PLXNA2: variants seen among roughly 807,000 people sequenced by gnomAD.
The protein encoded by PLXNA2 is plexin-A2.
In PLXNA2, 91 loss-of-function variants were observed where a neutral mutation model predicts 193.5. The ratio of observed to expected loss-of-function variants is 0.47; its 90% CI spans 0.40 to 0.56. The LOEUF is 0.56. PLXNA2 is among the 20% of genes least tolerant of loss of function. PLXNA2 has a pLI of 0.00. For synonymous variants in PLXNA2, 997 were observed against 1,027.3 expected, an observed-to-expected ratio of 0.97 and a Z score of 0.56; for missense variants, 1,995 against 2,503.2, an observed-to-expected ratio of 0.80 and a Z score of 4.33.
At chr1:208,203,501 G>A (rs2102587293) in intron 3 of PLXNA2, among the ~76,000 whole-genome samples, 1 of 152,362 alleles carries the variant, frequency 6.6e-6, no homozygotes, top group African/African-American at 2.4e-5. Context: ...TGAGAGACAA[G>A]TGAATCATTT....
intron 3 of PLXNA2, among the ~76,000 whole-genome samples, chr1:208,148,821 G>A (rs756344273): frequency 1.3e-4 from 20 of 152,206 alleles, no homozygotes; most frequent in Non-Finnish European, 2.6e-4. Flanking sequence ...CCCTGAGGGG[G>A]TACTTCCTGG....
chr1:208,060,741 G>T lies in PLXNA2; in HGVS notation c.2683C>A (p.Gln895Lys). ...GGCGTGCAGGGCACCCCAGCCACCT[G>T]CACATGGTGGGCGATCTCGGAGAAG... ...LDFSEIAHHV[Q>K]VAGVPCTPLP... is the part of the protein sequence containing the mutation. Residue 895 changes from glutamine (Q) to lysine (K), a missense_variant, in exon 13 of 32, where the codon CAG becomes AAG. This residue lies in a region of PLXNA2 where 1,291 missense variants were observed against 1,673.6 expected (regional missense o/e 0.77). Coordinates refer to ENST00000367033, the MANE Select transcript of PLXNA2 (RefSeq NM_025179.4). 3 of 1,614,020 alleles carry T rather than the reference G, an allele frequency of 1.9e-6. No individual in the cohort carries two copies. The highest frequency in any genetic ancestry group is 2.5e-6 in the Non-Finnish European group (3 of 1,179,906).
At chr1:208,128,996 T>C (rs1668062430) in intron 4 of PLXNA2, among the ~76,000 whole-genome samples, 2 of 152,152 alleles carry the variant, frequency 1.3e-5, no homozygotes, top group South Asian at 2.1e-4. Context: ...CGCCCAGCCC[T>C]AGTGTTTCTT....
chr1:208,138,876 A>T (rs1668381661), intron 4 of PLXNA2, among the ~76,000 whole-genome samples: 1 of 152,124 alleles, frequency 6.6e-6, no homozygotes, highest in South Asian at 2.1e-4. Flanking sequence ...AAAATACAAA[A>T]ATTAGCTGTG....
intron 4 of PLXNA2, among the ~76,000 whole-genome samples, chr1:208,126,188 G>A (rs1464505679): frequency 1.3e-5 from 2 of 152,176 alleles, no homozygotes; most frequent in Admixed American, 1.3e-4. Context: ...GGGTCTCAGA[G>A]GGTGACAGCA....
chr1:208,027,077 G>T lies in PLXNA2; in HGVS notation c.*166C>A. 1 of 600,742 alleles carries T rather than the reference G, an allele frequency of 1.7e-6. No homozygotes were observed. Among genetic ancestry groups the T allele is most frequent in the Non-Finnish European group, 2.9e-6 (1 of 345,004 alleles). The allele number at this position is 600,742 out of a possible 1,614,324, so 37.2% of individuals were successfully genotyped here. A position where few individuals can be genotyped will look rare whatever the true frequency, so the allele number is the denominator to read the frequency against. ...TCTCCCAGCTGGAACTGGCTATGAC[G>T]AAACTTGGCTGGCGTAGGGAGAGGA... On this transcript the variant is annotated 3_prime_UTR_variant, in exon 32 of 32. Coordinates refer to ENST00000367033, the MANE Select transcript of PLXNA2 (RefSeq NM_025179.4).
At chr1:208,239,917 GGA>G (rs1276555629) in intron 1 of PLXNA2, among the ~76,000 whole-genome samples, 1 of 152,200 alleles carries the variant, frequency 6.6e-6, no homozygotes, top group Non-Finnish European at 1.5e-5. Context: ...GCAGGACAGT[GGA>G]GACACAGCAA....
intron 15 of PLXNA2, among the ~76,000 whole-genome samples, chr1:208,051,833 G>A (rs1665272857): frequency 6.6e-6 from 1 of 152,190 alleles, no homozygotes; most frequent in Non-Finnish European, 1.5e-5. Context: ...AGATTATCAG[G>A]TAGATAATCC....
chr1:208,206,269 G>A (rs1670719089), intron 3 of PLXNA2, among the ~76,000 whole-genome samples: 1 of 152,210 alleles, frequency 6.6e-6, no homozygotes, highest in South Asian at 2.1e-4. Context: ...TATCTCCAAG[G>A]TAAAGTGGAG....
intron 4 of PLXNA2, among the ~76,000 whole-genome samples, chr1:208,116,840 C>T (rs1667652696): frequency 6.6e-6 from 1 of 152,066 alleles, no homozygotes; most frequent in African/African-American, 2.4e-5. Flanking sequence ...TTCTTCTGCC[C>T]CTGACCCTGG....
chr1:208,043,234 G>T (rs1420752891), intron 20 of PLXNA2, 31 bp from the exon 21 acceptor site: 1 of 1,604,636 alleles, frequency 6.2e-7, no homozygotes, highest in Non-Finnish European at 8.5e-7. Context: ...AGAGGCTCGT[G>T]GGGAAGCCCC....
Position 208,038,502 on chromosome 1 carries a change from GGC to G in PLXNA2, c.4661-30_4661-29del. 6.5e-7 allele frequency: 1 copy of G among 1,539,572 alleles called. No individual in the cohort carries two copies. The highest frequency in any genetic ancestry group is 9.0e-7 in the Non-Finnish European group (1 of 1,111,952). On this transcript the variant is annotated intron_variant, in intron 25 of 31. Coordinates refer to ENST00000367033, the MANE Select transcript of PLXNA2 (RefSeq NM_025179.4). The surrounding 1 kb of genome is among the most constrained non-coding windows in gnomAD (Gnocchi z 4.1). ...GGGTGGAGGGGGTGGTGCAGGGAGC[GGC>G]GTGAGAGGGATGAGGGCTGTGAGCC...
chr1:208,099,331 G>C (rs987642545), intron 5 of PLXNA2, among the ~76,000 whole-genome samples: 1 of 152,210 alleles, frequency 6.6e-6, no homozygotes, highest in Non-Finnish European at 1.5e-5. Context: ...TCCACAGTGC[G>C]GGAGCGGGCC....
At chr1:208,098,458 T>A (rs3002313) in intron 6 of PLXNA2, among the ~76,000 whole-genome samples, 55,476 of 123,412 alleles carry the variant, frequency 0.45, 12,320 homozygotes, top group South Asian at 0.57. Context: ...TCTCTCTCTC[T>A]CACACACACA....
chr1:208,080,291 A>T (rs2102383266), intron 11 of PLXNA2, among the ~76,000 whole-genome samples: 1 of 152,198 alleles, frequency 6.6e-6, no homozygotes, highest in East Asian at 1.9e-4. Flanking sequence ...GGCTATTTAA[A>T]TAGTAACATT....
chr1:208,184,021 G>A (rs922246135), intron 3 of PLXNA2, among the ~76,000 whole-genome samples: 3 of 152,136 alleles, frequency 2.0e-5, no homozygotes, highest in Admixed American at 2.0e-4. Context: ...TGTAGCTAGT[G>A]GCTATTGTAT....
intron 13 of PLXNA2, among the ~76,000 whole-genome samples, chr1:208,055,930 C>T (rs375990565): frequency 5.9e-5 from 9 of 152,120 alleles, no homozygotes; most frequent in African/African-American, 1.9e-4. Flanking sequence ...AAGTACTGAA[C>T]GCATATGGAA....
chr1:208,114,517 C>T (rs183103404), intron 4 of PLXNA2, among the ~76,000 whole-genome samples: 90 of 152,388 alleles, frequency 5.9e-4, no homozygotes, highest in African/African-American at 2.0e-3. Context: ...TGAGACCAGA[C>T]TCTACCTCTC....
chr1:208,068,641 T>C (rs1436016230), intron 12 of PLXNA2, among the ~76,000 whole-genome samples: 1 of 152,178 alleles, frequency 6.6e-6, no homozygotes, highest in Non-Finnish European at 1.5e-5. Flanking sequence ...CCTGATTGAT[T>C]GATGTGCAGT....
Sources: gnomAD v4.1 joint callset for allele counts (sites outside exome capture counted in the v4.1 genomes callset) on GRCh38, gnomAD v4.1.1 for gene constraint, gnomAD v4.1.1 regional missense constraint, Gnocchi (gnomAD v3.1) non-coding constraint, MANE v1.5 for transcripts, NCBI Gene and HGNC (gene_info 2026-07-23, HGNC 2026-07-21) for gene names.